PIEZO1: variants seen among roughly 807,000 people sequenced by gnomAD.
PIEZO1 encodes the protein piezo type mechanosensitive ion channel component 1 (Er blood group).
Under a neutral mutation model 297.2 loss-of-function variants are expected in PIEZO1, and 296 were observed. The observed-to-expected ratio is 1.00, with a 90% confidence interval of 0.91 to 1.10. The LOEUF (loss-of-function observed/expected upper bound fraction) is 1.10, where lower values mean the gene tolerates loss of function less well. Ranked by LOEUF, PIEZO1 falls within the 50% of genes least tolerant of loss-of-function variation. The probability of loss-of-function intolerance (pLI) is 0.00; values close to 1 mark genes in which losing one functional copy is unlikely to be tolerated. For missense variants in PIEZO1, 5,018 were observed against 3,455.5 expected, an observed-to-expected ratio of 1.45 and a Z score of -11.34; for synonymous variants, 2,427 against 1,507.5, an observed-to-expected ratio of 1.61 and a Z score of -14.13.
In PIEZO1 at chr16:88,723,074, C is replaced by G; in HGVS notation, c.4495+21G>C. 2.6e-6 allele frequency: 4 copies of G among 1,546,518 alleles called. No individual in the cohort carries two copies. In the South Asian group the frequency reaches 3.6e-5, roughly 14 times the overall value. ...TGGGGCCAAGAGAGACCTCCCACTC[C>G]CCAGCCCCGGGCCCACGTACCTGCC... On this transcript the variant is annotated intron_variant, in intron 33 of 50. Transcript: ENST00000301015.
In PIEZO1 at chr16:88,733,939, C is replaced by G; in HGVS notation, c.2296G>C (p.Ala766Pro). 7 of 1,539,836 alleles carry G rather than the reference C, an allele frequency of 4.5e-6. No individual in the cohort carries two copies. The highest frequency in any genetic ancestry group is 5.3e-6 in the Non-Finnish European group (6 of 1,140,820). Reference sequence around the variant, plus strand: ...ACCTGCGTGGCCTGGTGGGGAGTGGCCACGCCCAGCCCCTCGTCCCTGGAG... The same window carrying G: ...ACCTGCGTGGCCTGGTGGGGAGTGGGCACGCCCAGCCCCTCGTCCCTGGAG... ...EDSRDEGLGV[A>P]TPHQATQVPE... is the part of the protein sequence containing the mutation. Residue 766 changes from alanine (A) to proline (P), a missense_variant, in exon 17 of 51, where the codon GCC (alanine) becomes CCC (proline). Ala to Pro is a conservative substitution (Grantham distance 27). Transcript: ENST00000301015.
chr16:88,776,552 A>G (rs1281280846), intron 1 of PIEZO1, among the ~76,000 whole-genome samples: 1 of 151,960 alleles, frequency 6.6e-6, no homozygotes, highest in Non-Finnish European at 1.5e-5. Context: ...GGCGGCTCCT[A>G]TGTGCACATC....
intron 16 of PIEZO1, 123 bp from the exon 17 acceptor site, chr16:88,734,177 C>T (rs554559470): frequency 1.1e-5 from 15 of 1,305,336 alleles, no homozygotes; most frequent in South Asian, 8.9e-5. Flanking sequence ...ACAGCTGTGT[C>T]GCAACTCATG....
rs2142789754 is a variant in PIEZO1 at position 88,727,484 on chromosome 16, T to TG, written c.3301+72dup. ...GCCCGTGCACGCCTGTGTGCACACT[T>TG]GTGAGCAGATTTGGGGGCGTGAATG... On this transcript the variant is annotated intron_variant, in intron 23 of 50. Transcript: ENST00000301015. 19 of 674,132 alleles carry TG rather than the reference T, an allele frequency of 2.8e-5. 1 individual carries two copies. In the South Asian group the frequency reaches 3.6e-4, roughly 13 times the overall value. 41.8% of individuals were successfully genotyped at this position (674,132 alleles called of 1,614,324 possible). A position where few individuals can be genotyped will look rare whatever the true frequency, so the allele number is the denominator to read the frequency against.
chr16:88,721,669 C>G lies in PIEZO1; in HGVS notation c.5272G>C (p.Val1758Leu), dbSNP rs753642385. 3.9e-6 allele frequency: 6 copies of G among 1,549,922 alleles called. No individual in the cohort carries two copies. Among genetic ancestry groups the G allele is most frequent in the African/African-American group, 2.7e-5 (2 of 73,150 alleles). The change falls in exon 38 of 51, where the codon GTG becomes CTG. Residue 1758 changes from valine (V) to leucine (L), a missense_variant. Coordinates refer to ENST00000301015, the MANE Select transcript of PIEZO1 (RefSeq NM_001142864.4). ...TTGTTCTCGTAGCGCCGCAGCACCA[C>G]GTGGCTGTTCCAGGGGAAGAACCCA... ...QFGFFPWNSH[V>L]VLRRYENKPY...
In PIEZO1 at chr16:88,726,852, C is replaced by G; in HGVS notation, c.3562G>C (p.Gly1188Arg). ...GATRISIFGL[G>R]YLLACFYLLL... Reference sequence around the variant, plus strand: ...AGGTAGAAGCAGGCCAGCAGGTAGCCCAGCCCGAAGATGCTGATGCGGGTG... The same window carrying G: ...AGGTAGAAGCAGGCCAGCAGGTAGCGCAGCCCGAAGATGCTGATGCGGGTG... Residue 1188 changes from glycine to arginine, a missense_variant, in exon 25 of 51, where the codon GGC becomes CGC. Physicochemically the swap from Gly to Arg is moderately radical, Grantham distance 125. Transcript: ENST00000301015. 1 of 1,550,384 alleles carries G rather than the reference C, an allele frequency of 6.5e-7. No homozygotes were observed. Among genetic ancestry groups the G allele is most frequent in the Non-Finnish European group, 8.7e-7 (1 of 1,146,934 alleles).
At position 88,741,489 on chromosome 16, in the gene PIEZO1, G is replaced by A; in HGVS notation, c.454C>T (p.Pro152Ser). The A allele has an allele frequency of 1.3e-6, 2 of 1,535,314 alleles. No individual in the cohort carries two copies. The highest frequency in any genetic ancestry group is 1.7e-6 in the Non-Finnish European group (2 of 1,146,524). ...LARNTRQSPH[P>S]RELDDDERDV... The stretch of plus-strand genomic sequence containing the variant: ...GCAGCTGCCCTCACCAGCTCCCGTG[G>A]ATGTGGGCTCTGCCGGGTGTTCCTT... The change falls in exon 5 of 51, where the codon CCA becomes TCA. Residue 152 changes from proline (P) to serine (S), a missense_variant. Coordinates refer to ENST00000301015, the MANE Select transcript of PIEZO1 (RefSeq NM_001142864.4).
Position 88,720,091 on chromosome 16 carries a change from T to C in PIEZO1, c.6142A>G (p.Ile2048Val), listed in dbSNP as rs957126189. ...VLAIHLWMFF[I>V]LPAVTERMFN... is the part of the protein sequence containing the mutation. The stretch of plus-strand genomic sequence containing the variant: ...CACCTCTCAGTGACGGCGGGCAGGA[T>C]GAAGAACATCCATAGGTGGATGGCC... The change falls in exon 42 of 51, where the codon ATC (isoleucine) becomes GTC (valine). Residue 2048 changes from isoleucine to valine, a missense_variant. Coordinates refer to ENST00000301015, the MANE Select transcript of PIEZO1 (RefSeq NM_001142864.4). 1 of 1,550,240 alleles carries C rather than the reference T, an allele frequency of 6.5e-7. No homozygotes were observed. The highest frequency in any genetic ancestry group is 8.7e-7 in the Non-Finnish European group (1 of 1,146,956).
rs372328955 is a variant in PIEZO1, at chr16:88,738,510, G to T, written c.634+58C>A. On this transcript the variant is annotated intron_variant, in intron 6 of 50. Transcript: ENST00000301015. ...TGTCCCGCTGTCTCCACAGTCATCA[G>T]GGAACTCCCAAGACCCCTCCCAGTG... 2.1e-6 allele frequency: 3 copies of T among 1,445,880 alleles called. No individual in the cohort carries two copies. The East Asian group carries it at 8.2e-5, about 39-fold the overall frequency. The allele number at this position is 1,445,880 out of a possible 1,614,324, so 89.6% of individuals were successfully genotyped here. A position where few individuals can be genotyped will look rare whatever the true frequency, so the allele number is the denominator to read the frequency against.
rs1905192500 is a variant in PIEZO1, at chr16:88,736,081, G to C, written c.1557+67C>G. On this transcript the variant is annotated intron_variant, in intron 12 of 50. Transcript: ENST00000301015. ...CCACTCCCCCGGGCAAGTGGACATT[G>C]AACAGGACGACAACCCTGATGGGTC... is the stretch of plus-strand genomic sequence containing the variant. 2.8e-6 allele frequency: 4 copies of C among 1,443,010 alleles called. No homozygotes were observed. The Admixed American group carries it at 8.6e-5, about 31-fold the overall frequency. 89.4% of individuals were successfully genotyped at this position (1,443,010 alleles called of 1,614,324 possible). A position where few individuals can be genotyped will look rare whatever the true frequency, so the allele number is the denominator to read the frequency against.
In PIEZO1 at chr16:88,716,127, G is replaced by T. The variant is rs1271767766; in HGVS notation, c.7130-8C>A. The T allele has an allele frequency of 6.5e-7, 1 of 1,539,132 alleles. No homozygotes were observed. Among genetic ancestry groups the T allele is most frequent in the Non-Finnish European group, 8.8e-7 (1 of 1,138,954 alleles). On this transcript the variant is annotated splice_polypyrimidine_tract_variant and splice_region_variant and intron_variant, in intron 49 of 50. Transcript: ENST00000301015. ...GGTAGTCGGCCTCCTCATCTGGGAT[G>T]GAGGGAGAAGATCGTTGAGGCCGCA...
chr16:88,741,247 G>A (rs759921610), intron 5 of PIEZO1: 24 of 488,222 alleles, frequency 4.9e-5, no homozygotes, highest in Non-Finnish European at 8.8e-5. Flanking sequence ...TGCCATGTCG[G>A]GGCGTGGAGG....
At position 88,726,487 on chromosome 16, in the gene PIEZO1, C is replaced by G. The variant is rs79092320; in HGVS notation, c.3797-32G>C. ...GGCAGGCACCGGCAAGGGTCAGGCC[C>G]AGGGCCCAGGAGCAGGGGGCTTCCC... On this transcript the variant is annotated intron_variant, in intron 26 of 50. Coordinates refer to ENST00000301015, the MANE Select transcript of PIEZO1 (RefSeq NM_001142864.4). The G allele has an allele frequency of 0.089, 137,175 of 1,548,028 alleles. 6,691 individuals are homozygous for G. Among genetic ancestry groups the G allele is most frequent in the Middle Eastern group, 0.13 (785 of 5,900 alleles).
intron 1 of PIEZO1, among the ~76,000 whole-genome samples, chr16:88,755,408 T>C (rs994230646): frequency 1.1e-4 from 17 of 152,274 alleles, no homozygotes; most frequent in African/African-American, 3.9e-4. Context: ...TCCTCGTACG[T>C]TTCTTCCTAA....
Position 88,741,619 on chromosome 16 carries a change from G to A in PIEZO1, c.327-3C>T, listed in dbSNP as rs948255861. The A allele has an allele frequency of 2.0e-6, 3 of 1,534,036 alleles. No homozygotes were observed. In the African/African-American group the frequency reaches 4.1e-5, roughly 21 times the overall value. ...TGGGGATGTCCTTCAGGTCCAGCCT[G>A]CGGAGAGCAGGGAGCAGCCGCGGTC... is the stretch of plus-strand genomic sequence containing the variant. On this transcript the variant is annotated splice_polypyrimidine_tract_variant and splice_region_variant and intron_variant, in intron 4 of 50. Transcript: ENST00000301015.
rs1912459388 is a variant in PIEZO1, at chr16:88,721,610, C to T, written c.5331G>A (p.Glu1777=). 1 of 1,550,302 alleles carries T rather than the reference C, an allele frequency of 6.5e-7. No homozygotes were observed. The highest frequency in any genetic ancestry group is 8.7e-7 in the Non-Finnish European group (1 of 1,146,920). ...CGTACTTGATGTAGCCGTCAGTCTT[C>T]TCCAGGCCCAGGATGCGGGGCGGGA... ...PYFPPRILGL[E]KTDGYIKYDL... is the part of the protein sequence containing the mutation. The change falls in exon 38 of 51, where the codon GAG becomes GAA. Residue 1777 remains glutamate (E), a synonymous_variant. Transcript: ENST00000301015.
At position 88,715,751 on chromosome 16, in the gene PIEZO1, C is replaced by T. The variant is rs200243384; in HGVS notation, c.7420G>A (p.Val2474Met). ...TGGCAGAGCTTGAGGATGCGGTCCA[C>T]GCACGGCAGCTCCTCGAACATAATG... Reference protein sequence around the residue: ...HSIMFEELPCVDRILKLCQDI... With the variant: ...HSIMFEELPCMDRILKLCQDI... The change falls in exon 51 of 51, where the codon GTG becomes ATG. Residue 2474 changes from valine (V) to methionine (M), a missense_variant. Coordinates refer to ENST00000301015, the MANE Select transcript of PIEZO1 (RefSeq NM_001142864.4). The T allele has an allele frequency of 2.2e-4, 334 of 1,550,444 alleles. No homozygotes were observed. Among genetic ancestry groups the T allele is most frequent in the Admixed American group, 3.7e-4 (19 of 51,008 alleles).
chr16:88,774,704 C>G (rs1041988870), intron 1 of PIEZO1, among the ~76,000 whole-genome samples: 3 of 152,200 alleles, frequency 2.0e-5, no homozygotes. Flanking sequence ...GCAAAGAGAC[C>G]GCTTGTCTTA....
In PIEZO1 at chr16:88,731,690, GC is replaced by G; in HGVS notation, c.3196+15del. On this transcript the variant is annotated intron_variant, in intron 22 of 50. Transcript: ENST00000301015. ...AGCCACAAAGCCCACTCCCACCCAA[GC>G]CACGTGCCCCTCACCAATGCACAGG... 1 of 1,546,216 alleles carries G rather than the reference GC, an allele frequency of 6.5e-7. No individual in the cohort carries two copies. Among genetic ancestry groups the G allele is most frequent in the Non-Finnish European group, 8.7e-7 (1 of 1,144,206 alleles).
Sources: gnomAD v4.1 joint callset for allele counts (sites outside exome capture counted in the v4.1 genomes callset) on GRCh38, gnomAD v4.1.1 for gene constraint, MANE v1.5 for transcripts, NCBI Gene and HGNC (gene_info 2026-07-23, HGNC 2026-07-21) for gene names.